The following GTPBP4 variants were observed in gnomAD, a reference collection of about 807,000 sequenced individuals.
GTPBP4 encodes GTP-binding protein 4.
A neutral mutation model predicts 81.7 loss-of-function variants in GTPBP4; 15 were observed. The ratio of observed to expected loss-of-function variants is 0.18; its 90% CI spans 0.12 to 0.28. The LOEUF (loss-of-function observed/expected upper bound fraction) is 0.28. Ranked by LOEUF, GTPBP4 falls within the 10% of genes least tolerant of loss-of-function variation. GTPBP4 has a pLI of 1.00. For missense variants in GTPBP4, 847 were observed against 793.8 expected, an observed-to-expected ratio of 1.07 and a Z score of -0.81; for synonymous variants, 272 against 274.6, an observed-to-expected ratio of 0.99 and a Z score of 0.09.
intron 8 of GTPBP4, among the ~76,000 whole-genome samples, chr10:1,005,270 C>T (rs12768048): frequency 2.6e-5 from 4 of 152,282 alleles, no homozygotes; most frequent in East Asian, 3.9e-4. Context: ...CTCAGCCTCC[C>T]GAGTAGCTGG....
chr10:1,007,240 G>A, intron 10 of GTPBP4, 112 bp downstream of exon 10: 1 of 650,970 alleles, frequency 1.5e-6, no homozygotes, highest in East Asian at 2.7e-5. Context: ...GGTGGATATT[G>A]TGGGTGGGCC....
intron 10 of GTPBP4, among the ~76,000 whole-genome samples, chr10:1,007,714 C>G (rs922994607): frequency 3.3e-5 from 5 of 152,240 alleles, no homozygotes; most frequent in African/African-American, 1.2e-4. Flanking sequence ...CAGACGCCTT[C>G]CTGGTGTGTG....
At position 1,000,736 on chromosome 10, in the gene GTPBP4, G is replaced by T; in HGVS notation, c.714G>T (p.Met238Ile). 6.3e-7 allele frequency: 1 copy of T among 1,590,238 alleles called. No homozygotes were observed. The highest frequency in any genetic ancestry group is 8.6e-7 in the Non-Finnish European group (1 of 1,168,252). Residue 238 changes from methionine to isoleucine, a missense_variant, in exon 7 of 17, where the codon ATG (methionine) becomes ATT (isoleucine). Physicochemically the swap from Met to Ile is conservative, Grantham distance 10. Around this residue, in one of 3 missense-constraint regions of GTPBP4, gnomAD observed 600 missense variants for 557.1 expected, o/e 1.08. Coordinates refer to ENST00000360803, the MANE Select transcript of GTPBP4 (RefSeq NM_012341.3). ...TGGAGGATAGGAACACCATCGAGAT[G>T]CAGGCCATCACTGCCCTGGCCCACC... ...HPLEDRNTIE[M>I]QAITALAHLR...
intron 2 of GTPBP4, among the ~76,000 whole-genome samples, chr10:995,493 G>A (rs927985300): frequency 2.8e-5 from 2 of 70,586 alleles, no homozygotes; most frequent in African/African-American, 1.3e-4. Context: ...GACACAGTGT[G>A]TCTTGGGAGC....
In GTPBP4 at chr10:1,008,988, G is replaced by C; in HGVS notation, c.1144G>C (p.Val382Leu). 6.2e-7 allele frequency: 1 copy of C among 1,613,092 alleles called. No homozygotes were observed. The highest frequency in any genetic ancestry group is 8.5e-7 in the Non-Finnish European group (1 of 1,179,022). Residue 382 changes from valine (V) to leucine (L), a missense_variant, in exon 11 of 17, where the codon GTG becomes CTG. Coordinates refer to ENST00000360803, the MANE Select transcript of GTPBP4 (RefSeq NM_012341.3). The stretch of plus-strand genomic sequence containing the variant: ...GCCCCCTTTCATCCCTGAAGGAGTG[G>C]TGGCTCGCAGGAAGAGGATGGAAAC... ...ERPPFIPEGV[V>L]ARRKRMETEE... is the part of the protein sequence containing the mutation.
chr10:1,014,837 G>A (rs1440834230), intron 15 of GTPBP4, among the ~76,000 whole-genome samples: 1 of 151,440 alleles, frequency 6.6e-6, no homozygotes, highest in Non-Finnish European at 1.5e-5. Flanking sequence ...GGTGGATTGA[G>A]GCTGCACTCC....
chr10:1,001,011 C>A lies in GTPBP4; in HGVS notation c.910C>A (p.Gln304Lys). The change falls in exon 8 of 17, where the codon CAG becomes AAG. Residue 304 changes from glutamine (Q) to lysine (K), a missense_variant and splice_region_variant. Coordinates refer to ENST00000360803, the MANE Select transcript of GTPBP4 (RefSeq NM_012341.3). The part of the protein sequence containing the change: ...KRIAELSEDD[Q>K]KIFTDLQSEG... ...AATAGCTGAACTTTCTGAAGATGATCAGGTAAATCACGTTAATATTTTGAA... is the reference window on the plus strand; with the variant it reads ...AATAGCTGAACTTTCTGAAGATGATAAGGTAAATCACGTTAATATTTTGAA... The A allele has an allele frequency of 6.3e-7, 1 of 1,589,810 alleles. No homozygotes were observed. Among genetic ancestry groups the A allele is most frequent in the South Asian group, 1.1e-5 (1 of 90,502 alleles).
intron 8 of GTPBP4, among the ~76,000 whole-genome samples, chr10:1,001,824 G>T (rs1225042870): frequency 1.3e-5 from 2 of 152,036 alleles, no homozygotes; most frequent in African/African-American, 4.8e-5. Context: ...GTCTATCCTG[G>T]AGAATGTTTC....
chr10:1,012,434 A>T, intron 13 of GTPBP4, 31 bp from the exon 14 acceptor site: 1 of 1,478,278 alleles, frequency 6.8e-7, no homozygotes, highest in Non-Finnish European at 9.3e-7. Context: ...CTCATTGTTA[A>T]TTTTGCTTCA....
chr10:1,008,811 C>A, intron 10 of GTPBP4, 147 bp from the exon 11 acceptor site: 1 of 706,194 alleles, frequency 1.4e-6, no homozygotes, highest in Non-Finnish European at 2.6e-6. Context: ...ACTCCTCTCC[C>A]CTAAAATAAT....
intron 8 of GTPBP4, among the ~76,000 whole-genome samples, chr10:1,005,184 C>A (rs1393257212): frequency 6.6e-6 from 1 of 152,120 alleles, no homozygotes; most frequent in Non-Finnish European, 1.5e-5. Context: ...CTCGCTCTGT[C>A]CCCCAGGCTG....
chr10:1,000,677 G>A lies in GTPBP4; in HGVS notation c.655G>A (p.Val219Ile). The change falls in exon 7 of 17, where the codon GTT becomes ATT. Residue 219 changes from valine to isoleucine, a missense_variant and splice_region_variant. Around this residue, in one of 3 missense-constraint regions of GTPBP4, gnomAD observed 600 missense variants for 557.1 expected, o/e 1.08. Transcript: ENST00000360803. The part of the protein sequence containing the change: ...HMDYKYLRWQ[V>I]VDTPGILDHP... ...CAGTGACAAGGTCTGGCTGTGTTAGGTTGTAGACACTCCTGGGATCCTGGA... is the reference window on the plus strand; with the variant it reads ...CAGTGACAAGGTCTGGCTGTGTTAGATTGTAGACACTCCTGGGATCCTGGA... 6.6e-7 allele frequency: 1 copy of A among 1,521,464 alleles called. No homozygotes were observed. Among genetic ancestry groups the A allele is most frequent in the Admixed American group, 2.2e-5 (1 of 45,588 alleles). 94.2% of individuals were successfully genotyped at this position (1,521,464 alleles called of 1,614,324 possible).
chr10:1,016,451 G>T (rs1470682373), intron 16 of GTPBP4, among the ~76,000 whole-genome samples: 1 of 152,238 alleles, frequency 6.6e-6, no homozygotes, highest in Admixed American at 6.5e-5. Flanking sequence ...TAGTTTCAGC[G>T]TTGTGGTAAT....
intron 2 of GTPBP4, among the ~76,000 whole-genome samples, chr10:995,595 T>A (rs1831524703): frequency 6.6e-6 from 1 of 152,176 alleles, no homozygotes; most frequent in Admixed American, 6.5e-5. Flanking sequence ...TTTAGGCTGA[T>A]GGGAATAGTC....
Position 1,019,903 on chromosome 10 carries a change from AAAAT to A in GTPBP4, c.*2680_*2683del. 8.9e-7 allele frequency: 1 copy of A among 1,119,250 alleles called. No individual in the cohort carries two copies. The highest frequency in any genetic ancestry group is 1.3e-6 in the Non-Finnish European group (1 of 755,160). 69.3% of individuals were successfully genotyped at this position (1,119,250 alleles called of 1,614,324 possible). A position where few individuals can be genotyped will look rare whatever the true frequency, so the allele number is the denominator to read the frequency against. On this transcript the variant is annotated 3_prime_UTR_variant, in exon 17 of 17. Transcript: ENST00000360803. Reference sequence around the variant, plus strand: ...ACACAGAATTTACAGAAAAATAGAGAAAATAAACACATTTGTTTTCCTCAGAAAA... The same window carrying A: ...ACACAGAATTTACAGAAAAATAGAGAAAACACATTTGTTTTCCTCAGAAAA...
chr10:1,010,668 C>A lies in GTPBP4; in HGVS notation c.1344+148C>A. 3 of 670,572 alleles carry A rather than the reference C, an allele frequency of 4.5e-6. No homozygotes were observed. The East Asian group carries it at 8.2e-5, about 18-fold the overall frequency. 41.5% of individuals were successfully genotyped at this position (670,572 alleles called of 1,614,324 possible). A position where few individuals can be genotyped will look rare whatever the true frequency, so the allele number is the denominator to read the frequency against. ...GACTCTGCCCCCTGTACCACTTCCC[C>A]ACCCTGAGACTCTGGTGGAGATACT... On this transcript the variant is annotated intron_variant, in intron 13 of 16. Transcript: ENST00000360803.
chr10:995,794 GC>G, intron 2 of GTPBP4, 134 bp from the exon 3 acceptor site: 2 of 613,328 alleles, frequency 3.3e-6, no homozygotes, highest in South Asian at 3.9e-5. Context: ...AATAGACAGG[GC>G]CCCTGGCCAG....
intron 2 of GTPBP4, 21 bp from the exon 3 acceptor site, chr10:995,908 G>A (rs373935592): frequency 1.4e-6 from 2 of 1,399,738 alleles, no homozygotes; most frequent in African/African-American, 2.8e-5. Context: ...AGTGACCGTG[G>A]TGTGCTTTTG....
intron 2 of GTPBP4, among the ~76,000 whole-genome samples, chr10:994,966 T>A (rs2132157126): frequency 6.6e-6 from 1 of 151,652 alleles, no homozygotes; most frequent in Non-Finnish European, 1.5e-5. Context: ...GAGTAGGGAG[T>A]ATCTGTGCGG....
Sources: gnomAD v4.1 joint callset for allele counts (sites outside exome capture counted in the v4.1 genomes callset) on GRCh38, gnomAD v4.1.1 for gene constraint, gnomAD v4.1.1 regional missense constraint, MANE v1.5 for transcripts, NCBI Gene and HGNC (gene_info 2026-07-23, HGNC 2026-07-21) for gene names.